ACMSD: variants seen among roughly 807,000 people sequenced by gnomAD.
ACMSD encodes the protein aminocarboxymuconate semialdehyde decarboxylase, also known as 2-amino-3-carboxymuconate-6-semialdehyde decarboxylase.
ACMSD carries 37 observed loss-of-function variants against 45.9 expected under a neutral mutation model. The observed-to-expected ratio is 0.81, with a 90% CI of 0.62 to 1.06. The LOEUF is 1.06. Ranked by LOEUF, ACMSD falls within the 50% of genes least tolerant of loss-of-function variation. The pLI, the probability that ACMSD is intolerant of heterozygous loss-of-function variation, is 0.00. For synonymous variants in ACMSD, 138 were observed against 148.8 expected (o/e 0.93, Z 0.53); for missense variants, 434 against 420.9 (o/e 1.03, Z -0.27).
rs1305773368 is a variant in ACMSD, at chr2:134,871,676, CAG to C, written c.676+618_676+619del. ...GGTAGTTGAATTTGTGACCCTTCAA[CAG>C]ACAGACACACACACACACACACACA... is the stretch of plus-strand genomic sequence containing the variant. On this transcript the variant is annotated intron_variant, in intron 7 of 9. Coordinates refer to ENST00000356140, the MANE Select transcript of ACMSD (RefSeq NM_138326.3). Among the ~76,000 whole-genome samples, 436 of 145,930 alleles carry C rather than the reference CAG, an allele frequency of 3.0e-3. 1 individual carries two copies. The highest frequency in any genetic ancestry group is 0.011 in the African/African-American group (408 of 38,072).
chr2:134,874,876 G>A (rs1168212611), intron 8 of ACMSD, among the ~76,000 whole-genome samples: 2 of 152,056 alleles, frequency 1.3e-5, no homozygotes, highest in African/African-American at 4.8e-5. Context: ...GATCATAATG[G>A]GAAATCAGTA....
chr2:134,857,360 C>T (rs570883227), intron 2 of ACMSD, among the ~76,000 whole-genome samples: 1 of 152,228 alleles, frequency 6.6e-6, no homozygotes, highest in African/African-American at 2.4e-5. Flanking sequence ...ATTGCTTGAA[C>T]CTGGGAGGCA....
At position 134,897,884 on chromosome 2, in the gene ACMSD, TG is replaced by T. The variant is rs1370967531; in HGVS notation, c.850-456del. The stretch of plus-strand genomic sequence containing the variant: ...TTTTTCTATTTTTTGTTTTTGTTTT[TG>T]TTTTTTTTTTTTTACTTTTTATCGA... On this transcript the variant is annotated intron_variant, in intron 8 of 9. Coordinates refer to ENST00000356140, the MANE Select transcript of ACMSD (RefSeq NM_138326.3). Among the ~76,000 whole-genome samples the T allele has an allele frequency of 3.6e-3, 543 of 149,246 alleles. 1 individual carries two copies. The highest frequency in any genetic ancestry group is 0.014 in the Middle Eastern group (4 of 294).
intron 2 of ACMSD, among the ~76,000 whole-genome samples, chr2:134,845,631 G>A (rs1361283605): frequency 6.9e-6 from 1 of 145,586 alleles, no homozygotes; most frequent in Non-Finnish European, 1.5e-5. Flanking sequence ...GCTCTCTACA[G>A]GTTATTACAG....
chr2:134,900,438 T>C (rs1690432565), intron 9 of ACMSD, among the ~76,000 whole-genome samples: 1 of 152,126 alleles, frequency 6.6e-6, no homozygotes, highest in South Asian at 2.1e-4. Flanking sequence ...ACTCACCTTA[T>C]TTTACTTAAT....
In ACMSD at chr2:134,869,826, C is replaced by T. The variant is rs149730209; in HGVS notation, c.581-1139C>T. Reference sequence around the variant, plus strand: ...AGCAGAGAAGTGTCATGATCCAATTCACATTATGAACGTAACTCTGACTGC... The same window carrying T: ...AGCAGAGAAGTGTCATGATCCAATTTACATTATGAACGTAACTCTGACTGC... On this transcript the variant is annotated intron_variant, in intron 6 of 9. Transcript: ENST00000356140. Among the ~76,000 whole-genome samples the T allele has an allele frequency of 1.1e-3, 169 of 152,172 alleles. 5 individuals are homozygous for T. In the Middle Eastern group the frequency reaches 0.041, roughly 37 times the overall value.
intron 2 of ACMSD, among the ~76,000 whole-genome samples, chr2:134,854,729 A>G (rs770261394): frequency 1.6e-4 from 24 of 152,264 alleles, no homozygotes; most frequent in Non-Finnish European, 1.0e-4. Flanking sequence ...AGCAGAATTT[A>G]TAATTGTGAA....
chr2:134,860,315 C>T (rs1198756354), intron 3 of ACMSD, among the ~76,000 whole-genome samples: 1 of 152,088 alleles, frequency 6.6e-6, no homozygotes, highest in East Asian at 1.9e-4. Flanking sequence ...ACATGATGGC[C>T]ACATTATGCT....
intron 2 of ACMSD, among the ~76,000 whole-genome samples, chr2:134,852,578 A>C (rs1198956276): frequency 6.6e-6 from 1 of 152,176 alleles, no homozygotes; most frequent in East Asian, 1.9e-4. Flanking sequence ...GAAGCCGCCA[A>C]CCCAGAAGGA....
chr2:134,871,981 G>C (rs1688474260), intron 7 of ACMSD, among the ~76,000 whole-genome samples: 1 of 140,232 alleles, frequency 7.1e-6, no homozygotes, highest in Non-Finnish European at 1.5e-5. Flanking sequence ...TTTTGAGACA[G>C]AGTCTCACCC....
chr2:134,866,507 G>T lies in ACMSD; in HGVS notation c.487-1072G>T, dbSNP rs114086767. 2.5e-3 allele frequency among the ~76,000 whole-genome samples: 385 copies of T among 152,268 alleles called. 1 individual carries two copies. Among genetic ancestry groups the T allele is most frequent in the African/African-American group, 8.8e-3 (364 of 41,566 alleles). The stretch of plus-strand genomic sequence containing the variant: ...GGCTTATATCTCTTCTGCTACCCAA[G>T]ACCTGTTGAATTAAAAGTCCTTTCT... On this transcript the variant is annotated intron_variant, in intron 5 of 9. Transcript: ENST00000356140.
chr2:134,858,375 G>A (rs1573637797), intron 2 of ACMSD, among the ~76,000 whole-genome samples: 1 of 152,138 alleles, frequency 6.6e-6, no homozygotes, highest in East Asian at 1.9e-4. Flanking sequence ...CTGAAGGGGT[G>A]GGGAGAGATT....
chr2:134,843,051 A>T (rs1235863674), intron 1 of ACMSD, among the ~76,000 whole-genome samples: 1 of 152,224 alleles, frequency 6.6e-6, no homozygotes, highest in Non-Finnish European at 1.5e-5. Context: ...CATTAAGGAT[A>T]AAAATTCAAT....
chr2:134,842,308 T>C (rs1355405385), intron 1 of ACMSD, among the ~76,000 whole-genome samples: 5 of 152,086 alleles, frequency 3.3e-5, no homozygotes, highest in Non-Finnish European at 2.9e-5. Context: ...AAGTTGAGTC[T>C]TTGCAAGGGG....
At chr2:134,886,890 G>A (rs937200149) in intron 8 of ACMSD, among the ~76,000 whole-genome samples, 2 of 152,206 alleles carry the variant, frequency 1.3e-5, no homozygotes, top group Non-Finnish European at 2.9e-5. Flanking sequence ...AGTGGCTTTA[G>A]CAAGATTGCA....
rs1352019296 is a variant in ACMSD, at chr2:134,843,031, T to G, written c.58-2202T>G. ...AGTAGAGAAAGAGGGAAATAAAACC[T>G]TTTCTTCTACATTAAGGATAAAAAT... On this transcript the variant is annotated intron_variant, in intron 1 of 9. Transcript: ENST00000356140. 2.0e-5 allele frequency among the ~76,000 whole-genome samples: 3 copies of G among 152,262 alleles called. No homozygotes were observed. In the East Asian group the frequency reaches 5.8e-4, roughly 29 times the overall value.
At position 134,872,593 on chromosome 2, in the gene ACMSD, G is replaced by C; in HGVS notation, c.801G>C (p.Leu267Phe). 6.2e-7 allele frequency: 1 copy of C among 1,614,100 alleles called. No homozygotes were observed. Among genetic ancestry groups the C allele is most frequent in the Non-Finnish European group, 8.5e-7 (1 of 1,180,020 alleles). Residue 267 changes from leucine (L) to phenylalanine (F), a missense_variant, in exon 8 of 10, where the codon TTG becomes TTC. By Grantham distance (22) the Leu-to-Phe change is conservative (BLOSUM62 0). Coordinates refer to ENST00000356140, the MANE Select transcript of ACMSD (RefSeq NM_138326.3). ...TTGGTTCCTTTTACACAGATGCTTT[G>C]GTTCATGATCCTCTGTCCCTCAAGC... The part of the protein sequence containing the change: ...KYLGSFYTDA[L>F]VHDPLSLKLL...
At chr2:134,862,090 G>C in intron 4 of ACMSD, 72 bp downstream of exon 4, 1 of 1,564,186 alleles carries the variant, frequency 6.4e-7, no homozygotes, top group Non-Finnish European at 8.8e-7. Context: ...GTGAACAGAT[G>C]CCTCAAGTTT....
At chr2:134,872,395 T>C (rs1688501423) in intron 7 of ACMSD, 74 bp from the exon 8 acceptor site, 1 of 1,564,940 alleles carries the variant, frequency 6.4e-7, no homozygotes, top group African/African-American at 1.4e-5. Context: ...CAGTAACTTC[T>C]TGCATATAAC....
Sources: allele counts gnomAD v4.1 joint callset (sites outside exome capture counted in the v4.1 genomes callset), GRCh38; gene constraint gnomAD v4.1.1; transcripts MANE v1.5; gene names NCBI Gene and HGNC (gene_info 2026-07-23, HGNC 2026-07-21).